Variants in TENM4 observed in about 807,000 individuals in gnomAD.
TENM4 encodes teneurin transmembrane protein 4, also known as teneurin-4.
A neutral mutation model predicts 243.3 loss-of-function variants in TENM4; 82 were observed. That is an observed-to-expected ratio of 0.34 (90% confidence interval 0.28 to 0.40). The LOEUF is 0.40. TENM4 is among the 10% of genes least tolerant of loss of function. TENM4 has a pLI of 1.00. For synonymous variants in TENM4, 1,412 were observed against 1,456.3 expected, an observed-to-expected ratio of 0.97 and a Z score of 0.69; for missense variants, 3,138 against 3,673.3, an observed-to-expected ratio of 0.85 and a Z score of 3.77.
intron 6 of TENM4, among the ~76,000 whole-genome samples, chr11:78,934,019 T>C (rs1196027221): frequency 6.6e-6 from 1 of 152,150 alleles, no homozygotes; most frequent in Non-Finnish European, 1.5e-5. Context: ...TTAGAGATAC[T>C]GTTAGGAATT....
chr11:79,070,737 A>G (rs1860393925), intron 4 of TENM4, among the ~76,000 whole-genome samples: 1 of 152,222 alleles, frequency 6.6e-6, no homozygotes, highest in South Asian at 2.1e-4. Context: ...CATCTGACAG[A>G]TGAGAAAACT....
chr11:79,386,810 CAG>C (rs1858122613), intron 1 of TENM4, among the ~76,000 whole-genome samples: 2 of 150,800 alleles, frequency 1.3e-5, no homozygotes, highest in South Asian at 4.2e-4. Context: ...GCAAAAATAT[CAG>C]AACTCTCATG....
intron 5 of TENM4, among the ~76,000 whole-genome samples, chr11:79,067,620 ATGTCTTAGGAACTTAACTC>A (rs1398317947): frequency 3.8e-4 from 1 of 2,636 alleles, no homozygotes; most frequent in African/African-American, 1.3e-3. Context: ...CGGGACTAGG[ATGTCTTAGGAACTTAACTC>A]CTAGGAAAAT....
chr11:79,244,286 C>T (rs1173297336), intron 2 of TENM4, among the ~76,000 whole-genome samples: 2 of 152,188 alleles, frequency 1.3e-5, no homozygotes, highest in Non-Finnish European at 2.9e-5. Flanking sequence ...GAGCAGTTCT[C>T]GGCCTGCTCC....
intron 6 of TENM4, among the ~76,000 whole-genome samples, chr11:79,021,343 T>C (rs1219483435): frequency 2.0e-5 from 3 of 152,222 alleles, no homozygotes; most frequent in Non-Finnish European, 4.4e-5. Context: ...AGTTTCCTAC[T>C]GTTTGGGTTC....
At chr11:78,718,114 A>G (rs1859563238) in intron 25 of TENM4, among the ~76,000 whole-genome samples, 1 of 152,154 alleles carries the variant, frequency 6.6e-6, no homozygotes, top group South Asian at 2.1e-4. Context: ...TAATGGAGGA[A>G]GAGATACAAC....
chr11:79,392,928 GACAC>G (rs1858266040), intron 1 of TENM4, among the ~76,000 whole-genome samples: 2 of 152,294 alleles, frequency 1.3e-5, no homozygotes, highest in Admixed American at 1.3e-4. Flanking sequence ...AGGGAGTGAA[GACAC>G]AACTAAGAAT....
At chr11:78,864,466 AT>A (rs1428720173) in intron 9 of TENM4, among the ~76,000 whole-genome samples, 2 of 137,002 alleles carry the variant, frequency 1.5e-5, no homozygotes, top group Non-Finnish European at 3.2e-5. Context: ...AAAAAAAAAG[AT>A]ATTTTTCCAA....
At chr11:79,416,530 T>C (rs948256314) in intron 1 of TENM4, among the ~76,000 whole-genome samples, 1 of 152,180 alleles carries the variant, frequency 6.6e-6, no homozygotes, top group Non-Finnish European at 1.5e-5. Flanking sequence ...AGCTATAACA[T>C]AAAAATTTGG....
At chr11:79,245,592 C>A (rs906306219) in intron 2 of TENM4, among the ~76,000 whole-genome samples, 2 of 151,840 alleles carry the variant, frequency 1.3e-5, no homozygotes, top group African/African-American at 4.8e-5. Flanking sequence ...TGAGATGTCA[C>A]GTGAAAAGTA....
chr11:78,924,772 A>ATTT (rs1459331246), intron 6 of TENM4: 3 of 152,232 alleles, frequency 2.0e-5, no homozygotes, highest in Non-Finnish European at 4.4e-5. Context: ...AGCAGAAATC[A>ATTT]TTTTTTAAAA....
intron 1 of TENM4, among the ~76,000 whole-genome samples, chr11:79,311,084 A>C (rs536014246): frequency 6.6e-6 from 1 of 152,328 alleles, no homozygotes; most frequent in South Asian, 2.1e-4. Context: ...AGATGGGACA[A>C]GACGGGTCTT....
chr11:78,778,532 T>G, intron 17 of TENM4, 70 bp downstream of exon 17: 6 of 1,495,970 alleles, frequency 4.0e-6, no homozygotes, highest in Non-Finnish European at 5.5e-6. Context: ...ATATACACAT[T>G]TCTTCTTTTA....
chr11:79,012,733 C>T (rs1015821447), intron 6 of TENM4, among the ~76,000 whole-genome samples: 4 of 152,142 alleles, frequency 2.6e-5, no homozygotes, highest in South Asian at 2.1e-4. Flanking sequence ...GCTCACTGGC[C>T]ACCACAGGTA....
chr11:78,661,708 T>C, intron 32 of TENM4, 117 bp from the exon 33 acceptor site: 1 of 1,343,870 alleles, frequency 7.4e-7, no homozygotes. Context: ...GGATTGCTGC[T>C]GGTGGGAGAG....
chr11:79,196,624 G>A (rs1863633171), intron 3 of TENM4, among the ~76,000 whole-genome samples: 1 of 152,184 alleles, frequency 6.6e-6, no homozygotes, highest in African/African-American at 2.4e-5. Context: ...CTGTACAGGT[G>A]TGTGTTCAGA....
intron 4 of TENM4, among the ~76,000 whole-genome samples, chr11:79,101,637 T>C (rs1363332432): frequency 6.6e-6 from 1 of 152,234 alleles, no homozygotes; most frequent in Non-Finnish European, 1.5e-5. Flanking sequence ...TGCGCCTCAC[T>C]TTCCTCTCAG....
chr11:79,177,255 T>A (rs1332239180), intron 3 of TENM4, among the ~76,000 whole-genome samples: 1 of 152,164 alleles, frequency 6.6e-6, no homozygotes, highest in Admixed American at 6.5e-5. Context: ...TGGAGCCCCC[T>A]TGGTTTTCAA....
chr11:79,319,020 G>T (rs1441513717), intron 1 of TENM4, among the ~76,000 whole-genome samples: 1 of 152,178 alleles, frequency 6.6e-6, no homozygotes, highest in Admixed American at 6.5e-5. Flanking sequence ...CCAACCATGT[G>T]CCAGTGAGAG....
Sources: allele counts gnomAD v4.1 joint callset (sites outside exome capture counted in the v4.1 genomes callset), GRCh38; gene constraint gnomAD v4.1.1; transcripts MANE v1.5; gene names NCBI Gene and HGNC (gene_info 2026-07-23, HGNC 2026-07-21).